ZNF565: variants seen among roughly 807,000 people sequenced by gnomAD.
ZNF565 encodes the protein zinc finger protein 565.
ZNF565 carries 27 observed loss-of-function variants against 39.4 expected under a neutral mutation model. The observed-to-expected ratio is 0.69, with a 90% CI of 0.51 to 0.95. The LOEUF (loss-of-function observed/expected upper bound fraction) is 0.95. Among genes scored for constraint, ZNF565 ranks in the 40% least tolerant of loss-of-function variants. ZNF565 has a pLI of 0.00. For synonymous variants in ZNF565, 185 were observed against 216.6 expected, an observed-to-expected ratio of 0.85 and a Z score of 1.28; for missense variants, 524 against 621.1, an observed-to-expected ratio of 0.84 and a Z score of 1.66.
intron 1 of ZNF565, among the ~76,000 whole-genome samples, chr19:36,239,716 C>T (rs1168107649): frequency 2.0e-5 from 3 of 152,168 alleles, no homozygotes; most frequent in African/African-American, 4.8e-5. Flanking sequence ...TCTTAACCTG[C>T]GAGCTCTGTC....
chr19:36,226,951 C>T (rs1977093027), intron 1 of ZNF565, among the ~76,000 whole-genome samples: 1 of 151,994 alleles, frequency 6.6e-6, no homozygotes, highest in African/African-American at 2.4e-5. Flanking sequence ...GGCATGGTGG[C>T]GCATGCCTAT....
intron 3 of ZNF565, chr19:36,194,822 A>G (rs1599924522): frequency 1.4e-6 from 1 of 707,292 alleles, no homozygotes; most frequent in African/African-American, 1.8e-5. Flanking sequence ...GGCATTTCTT[A>G]CCCTCCTCTC....
chr19:36,230,269 C>G (rs1201104335), intron 1 of ZNF565, among the ~76,000 whole-genome samples: 1 of 152,138 alleles, frequency 6.6e-6, no homozygotes, highest in Non-Finnish European at 1.5e-5. Context: ...TATTCACATC[C>G]TACAAGTATT....
upstream of ZNF565, chr19:36,215,083 C>A (rs533287694): frequency 6.6e-6 from 1 of 152,524 alleles, no homozygotes; most frequent in South Asian, 2.1e-4. Context: ...GCGGAGACTT[C>A]TGGGAGTGCT....
At chr19:36,231,478 G>A (rs1977368507) in intron 1 of ZNF565, among the ~76,000 whole-genome samples, 1 of 152,124 alleles carries the variant, frequency 6.6e-6, no homozygotes, top group Non-Finnish European at 1.5e-5. Context: ...CAAAGTGCTA[G>A]GATTACAGGC....
chr19:36,203,642 C>T (rs1345509060), intron 1 of ZNF565: 1 of 152,264 alleles, frequency 6.6e-6, no homozygotes, highest in Non-Finnish European at 1.5e-5. Flanking sequence ...GAGGTGTGAT[C>T]TCAGCTCACC....
At chr19:36,192,502 A>C (rs1568413947) in intron 4 of ZNF565, among the ~76,000 whole-genome samples, 2 of 151,448 alleles carry the variant, frequency 1.3e-5, no homozygotes, top group Non-Finnish European at 2.9e-5. Flanking sequence ...GCACTTTGGA[A>C]GGTTGAGGTG....
chr19:36,194,368 C>A, intron 3 of ZNF565, 40 bp from the exon 4 acceptor site: 1 of 1,496,420 alleles, frequency 6.7e-7, no homozygotes, highest in South Asian at 1.3e-5. Flanking sequence ...TCAGACCGCT[C>A]CAAAATCCAA....
At chr19:36,228,989 T>C (rs1977200522) in intron 1 of ZNF565, among the ~76,000 whole-genome samples, 1 of 152,216 alleles carries the variant, frequency 6.6e-6, no homozygotes, top group African/African-American at 2.4e-5. Context: ...TTCATTATTC[T>C]TCTTCTTTCA....
intron 1 of ZNF565, chr19:36,236,596 C>T (rs1977653860): frequency 1.2e-6 from 2 of 1,614,046 alleles, no homozygotes; most frequent in African/African-American, 1.3e-5. Context: ...GTGGAAAAGC[C>T]TTTAGCCAAA....
At position 36,183,009 on chromosome 19, in the gene ZNF565, G is replaced by A. The variant is rs1439164544; in HGVS notation, c.957C>T (p.His319=). 1 of 1,614,172 alleles carries A rather than the reference G, an allele frequency of 6.2e-7. No homozygotes were observed. The highest frequency in any genetic ancestry group is 1.1e-5 in the South Asian group (1 of 91,082). The part of the protein sequence containing the change: ...CKECGKAFRQ[H]SQLTVHQRIH... ...TTCGCTGGTGTACAGTCAGCTGTGA[G>A]TGCTGTCTAAAGGCTTTCCCGCATT... is the stretch of plus-strand genomic sequence containing the variant. Residue 319 remains histidine (H), a synonymous_variant, in exon 5 of 5, where the codon CAC becomes CAT. Transcript: ENST00000304116.
At chr19:36,201,492 T>G (rs200262416) in intron 2 of ZNF565, among the ~76,000 whole-genome samples, 2 of 148,888 alleles carry the variant, frequency 1.3e-5, no homozygotes, top group Non-Finnish European at 3.0e-5. Context: ...ATTTATTTAT[T>G]TAGACAGAGT....
chr19:36,222,448 A>C (rs938285170), intron 1 of ZNF565, among the ~76,000 whole-genome samples: 6 of 152,210 alleles, frequency 3.9e-5, no homozygotes, highest in Admixed American at 3.9e-4. Context: ...CTAGACTGCT[A>C]TTAATACAAA....
chr19:36,241,485 A>T (rs950327786), intron 1 of ZNF565, among the ~76,000 whole-genome samples: 311 of 55,358 alleles, frequency 5.6e-3, no homozygotes, highest in African/African-American at 0.029. Flanking sequence ...ACTCTGTATT[A>T]AAAAAAAAAA....
chr19:36,240,907 T>C (rs1037842490), intron 1 of ZNF565, among the ~76,000 whole-genome samples: 4 of 152,022 alleles, frequency 2.6e-5, no homozygotes, highest in Non-Finnish European at 5.9e-5. Flanking sequence ...GTCTCCACTT[T>C]CATGAGTAGG....
chr19:36,219,792 TA>T (rs1337263840), intron 1 of ZNF565, among the ~76,000 whole-genome samples: 1 of 152,214 alleles, frequency 6.6e-6, no homozygotes, highest in East Asian at 1.9e-4. Flanking sequence ...TTGTTTTGTG[TA>T]AAAATGTAGT....
Position 36,182,729 on chromosome 19 carries a change from G to A in ZNF565, c.1237C>T (p.His413Tyr). ...CATTCGTAGGGTTTGTCACCTGTATGAATTCTTTGATGTTGAATGAGGTAT... is the reference window on the plus strand; with the variant it reads ...CATTCGTAGGGTTTGTCACCTGTATAAATTCTTTGATGTTGAATGAGGTAT... ...SSYLIQHQRI[H>Y]TGDKPYECKE... Residue 413 changes from histidine (H) to tyrosine (Y), a missense_variant, in exon 5 of 5, where the codon CAT (histidine) becomes TAT (tyrosine). By Grantham distance (83) the His-to-Tyr change is moderately conservative. Transcript: ENST00000304116. The A allele has an allele frequency of 1.2e-6, 2 of 1,614,158 alleles. No individual in the cohort carries two copies. The highest frequency in any genetic ancestry group is 1.7e-6 in the Non-Finnish European group (2 of 1,180,048).
intron 4 of ZNF565, among the ~76,000 whole-genome samples, chr19:36,185,385 G>C (rs1174551607): frequency 6.7e-6 from 1 of 149,540 alleles, no homozygotes; most frequent in Non-Finnish European, 1.5e-5. Context: ...CTGCACTCCA[G>C]CCTGGGTGAC....
intron 1 of ZNF565, among the ~76,000 whole-genome samples, 161 bp from the exon 2 acceptor site, chr19:36,202,211 TAC>T (rs1305007658): frequency 6.6e-6 from 1 of 151,922 alleles, no homozygotes; most frequent in East Asian, 1.9e-4. Flanking sequence ...CATTAAGAAC[TAC>T]AGAGTTGGCC....
Sources: gnomAD v4.1 joint callset for allele counts (sites outside exome capture counted in the v4.1 genomes callset) on GRCh38, gnomAD v4.1.1 for gene constraint, MANE v1.5 for transcripts, NCBI Gene and HGNC (gene_info 2026-07-23, HGNC 2026-07-21) for gene names.